The following SRGAP3 variants were observed in gnomAD, a reference collection of about 807,000 sequenced individuals.
SRGAP3 encodes SLIT-ROBO Rho GTPase-activating protein 3.
A neutral mutation model predicts 121.1 loss-of-function variants in SRGAP3; 39 were observed. The observed-to-expected ratio is 0.32, with a 90% confidence interval of 0.25 to 0.42. The LOEUF (loss-of-function observed/expected upper bound fraction) is 0.42, where lower values mean the gene tolerates loss of function less well. Ranked by LOEUF, SRGAP3 falls within the 10% of genes least tolerant of loss-of-function variation. The pLI is 1.00. For missense variants in SRGAP3, 1,213 were observed against 1,470.6 expected (o/e 0.82, Z 2.86); for synonymous variants, 601 against 570.0 (o/e 1.05, Z -0.77).
chr3:9,055,007 C>T (rs1053112734), intron 8 of SRGAP3, among the ~76,000 whole-genome samples: 1 of 152,168 alleles, frequency 6.6e-6, no homozygotes, highest in Non-Finnish European at 1.5e-5. Flanking sequence ...AATTTAAATT[C>T]CATTAACATT....
At chr3:9,031,013 G>A (rs1166389230) in intron 12 of SRGAP3, among the ~76,000 whole-genome samples, 2 of 152,122 alleles carry the variant, frequency 1.3e-5, no homozygotes, top group Non-Finnish European at 2.9e-5. Context: ...GGAGTGGCAT[G>A]ACTGTAGATC....
At chr3:9,146,862 T>C (rs772568239) in intron 1 of SRGAP3, among the ~76,000 whole-genome samples, 19 of 152,124 alleles carry the variant, frequency 1.2e-4, no homozygotes, top group Non-Finnish European at 2.5e-4. Context: ...ATGAGCAGAA[T>C]TGTTCATGTA....
At chr3:9,031,146 G>A (rs954189120) in intron 12 of SRGAP3, among the ~76,000 whole-genome samples, 5 of 152,116 alleles carry the variant, frequency 3.3e-5, no homozygotes, top group Admixed American at 2.6e-4. Flanking sequence ...AACTCACCAG[G>A]TGCTCATCCT....
intron 3 of SRGAP3, among the ~76,000 whole-genome samples, chr3:9,283,481 C>T (rs1010282273): frequency 6.6e-6 from 1 of 152,176 alleles, no homozygotes; most frequent in Non-Finnish European, 1.5e-5. Context: ...AACATCACCA[C>T]CAATCTCATA....
intron 2 of SRGAP3, among the ~76,000 whole-genome samples, chr3:9,123,972 A>G (rs1156758062): frequency 6.6e-6 from 1 of 151,782 alleles, no homozygotes; most frequent in Admixed American, 6.6e-5. Context: ...TGGCCGGGGG[A>G]CCTGCCAAGT....
chr3:9,071,155 A>C (rs1946689519), intron 4 of SRGAP3, among the ~76,000 whole-genome samples: 2 of 152,142 alleles, frequency 1.3e-5, no homozygotes, highest in Non-Finnish European at 2.9e-5. Flanking sequence ...TATGAACATC[A>C]GGAGCACCAG....
At chr3:9,148,291 C>A (rs1950093059) in intron 1 of SRGAP3, among the ~76,000 whole-genome samples, 1 of 152,220 alleles carries the variant, frequency 6.6e-6, no homozygotes, top group Non-Finnish European at 1.5e-5. Flanking sequence ...CCCAGCATTT[C>A]TCTGTGCTAG....
chr3:9,005,629 C>T (rs1378891571), intron 18 of SRGAP3, among the ~76,000 whole-genome samples: 3 of 152,176 alleles, frequency 2.0e-5, no homozygotes, highest in African/African-American at 7.2e-5. Flanking sequence ...TACAGCATGG[C>T]TGAACCTAGA....
chr3:9,279,251 G>T (rs547540436), intron 3 of SRGAP3, among the ~76,000 whole-genome samples: 11 of 152,302 alleles, frequency 7.2e-5, no homozygotes, highest in African/African-American at 2.6e-4. Flanking sequence ...TCGAAGAGGG[G>T]TGGGATAAGC....
intron 1 of SRGAP3, among the ~76,000 whole-genome samples, chr3:9,186,491 T>C (rs187613210): frequency 1.3e-5 from 2 of 152,356 alleles, no homozygotes; most frequent in African/African-American, 2.4e-5. Flanking sequence ...TCATCTCTTA[T>C]GAAATACCTA....
intron 1 of SRGAP3, among the ~76,000 whole-genome samples, chr3:9,170,414 T>C (rs1950934714): frequency 6.6e-6 from 1 of 151,622 alleles, no homozygotes; most frequent in East Asian, 1.9e-4. Context: ...AGCAGCGGGG[T>C]GGGGGCAAGA....
chr3:9,301,336 A>G (rs1027650258), intron 3 of SRGAP3, among the ~76,000 whole-genome samples: 1 of 152,220 alleles, frequency 6.6e-6, no homozygotes, highest in Non-Finnish European at 1.5e-5. Flanking sequence ...CACATGCCTG[A>G]GATGCAGGTC....
chr3:9,273,515 G>A (rs1954518944), intron 3 of SRGAP3, among the ~76,000 whole-genome samples: 1 of 150,512 alleles, frequency 6.6e-6, no homozygotes, highest in East Asian at 2.0e-4. Flanking sequence ...TCAGACATAA[G>A]ATTTGCAAAT....
chr3:9,164,276 T>TTTTA (rs111936459), intron 1 of SRGAP3, among the ~76,000 whole-genome samples: 4,049 of 140,820 alleles, frequency 0.029, 203 homozygotes, highest in African/African-American at 0.093. Context: ...ACCCAGACTA[T>TTTTA]TTTATTTATT....
intron 11 of SRGAP3, chr3:9,036,430 A>ATTGAACGCAGGGTAGCTGCAG (rs1944746794): frequency 6.6e-6 from 1 of 152,230 alleles, no homozygotes; most frequent in Non-Finnish European, 1.5e-5. Context: ...TATGTCTGCA[A>ATTGAACGCAGGGTAGCTGCAG]TTGAACGCAG....
chr3:9,288,301 C>T (rs923141484), intron 3 of SRGAP3, among the ~76,000 whole-genome samples: 1 of 151,586 alleles, frequency 6.6e-6, no homozygotes, highest in Non-Finnish European at 1.5e-5. Context: ...CCACACCTGG[C>T]TAATTTTCAT....
At chr3:9,210,025 T>C (rs773845870) in intron 1 of SRGAP3, among the ~76,000 whole-genome samples, 9 of 151,032 alleles carry the variant, frequency 6.0e-5, no homozygotes, top group Non-Finnish European at 1.2e-4. Flanking sequence ...ACATTATGCT[T>C]ATTAAAAGAA....
At chr3:9,339,301 G>C (rs576253331) in intron 1 of SRGAP3, among the ~76,000 whole-genome samples, 2 of 152,270 alleles carry the variant, frequency 1.3e-5, no homozygotes, top group South Asian at 4.1e-4. Flanking sequence ...ACCAAGTCTT[G>C]AGCACTCTCA....
rs371916241 is a variant in SRGAP3, at chr3:8,994,529, A to G, written c.2228-6T>C. The G allele has an allele frequency of 6.8e-6, 11 of 1,612,938 alleles. No individual in the cohort carries two copies. The African/African-American group carries it at 1.2e-4, about 18-fold the overall frequency. On this transcript the variant is annotated splice_region_variant and splice_polypyrimidine_tract_variant and intron_variant, in intron 18 of 21. Transcript: ENST00000383836. ...AGCCTCGATCTGCTCCACTTCTGGA[A>G]GGAAATCAAGGGAAAAAGCGTCTCT... is the stretch of plus-strand genomic sequence containing the variant.
Sources: gnomAD v4.1 joint callset for allele counts (sites outside exome capture counted in the v4.1 genomes callset) on GRCh38, gnomAD v4.1.1 for gene constraint, MANE v1.5 for transcripts, NCBI Gene and HGNC (gene_info 2026-07-23, HGNC 2026-07-21) for gene names.